The following LPA variants were observed in gnomAD, a reference collection of about 807,000 sequenced individuals.
LPA encodes lipoprotein(a), also known as apolipoprotein(a).
LPA carries 199 observed loss-of-function variants against 197.9 expected under a neutral mutation model. The ratio of observed to expected loss-of-function variants is 1.01; its 90% CI spans 0.90 to 1.13. The LOEUF is 1.13. LPA is among the 50% of genes most tolerant of loss of function. The pLI is 0.00. For missense variants in LPA, 1,853 were observed against 1,785.8 expected, an observed-to-expected ratio of 1.04 and a Z score of -0.68; for synonymous variants, 715 against 639.5, an observed-to-expected ratio of 1.12 and a Z score of -1.78.
intron 37 of LPA, among the ~76,000 whole-genome samples, chr6:160,535,512 G>A: frequency 6.6e-6 from 1 of 152,024 alleles, no homozygotes; most frequent in Non-Finnish European, 1.5e-5. Context: ...TGATATTGGT[G>A]ATGGTGGTGG....
At chr6:160,554,187 A>C (rs1427219302) in intron 30 of LPA, among the ~76,000 whole-genome samples, 1 of 151,648 alleles carries the variant, frequency 6.6e-6, no homozygotes. Flanking sequence ...GTTTTCTTTA[A>C]ATCTTTGAAC....
At position 160,567,492 on chromosome 6, in the gene LPA, G is replaced by C. The variant is rs141595582; in HGVS notation, c.4631+9644C>G. On this transcript the variant is annotated intron_variant, in intron 28 of 38. Coordinates refer to ENST00000316300, the MANE Select transcript of LPA (RefSeq NM_005577.4). ...CCAGAATCTCTGGGACACATTTAAA[G>C]CAGTGTGTAGGGGGAGATTTACAGC... Among the ~76,000 whole-genome samples the C allele has an allele frequency of 1.8e-3, 278 of 152,288 alleles. 6 individuals carry two copies. In the East Asian group the frequency reaches 0.043, roughly 23 times the overall value.
At chr6:160,569,679 C>T (rs561515753) in intron 28 of LPA, among the ~76,000 whole-genome samples, 1 of 152,068 alleles carries the variant, frequency 6.6e-6, no homozygotes, top group East Asian at 1.9e-4. Flanking sequence ...AGAAACTACC[C>T]TCAGAATGAA....
At chr6:160,655,252 G>C (rs986892114) in intron 1 of LPA, among the ~76,000 whole-genome samples, 1 of 152,182 alleles carries the variant, frequency 6.6e-6, no homozygotes, top group Non-Finnish European at 1.5e-5. Context: ...AAGGAGAGTA[G>C]TTATCTGCAG....
At chr6:160,601,677 T>C (rs538618764) in intron 18 of LPA, among the ~76,000 whole-genome samples, 148 of 152,338 alleles carry the variant, frequency 9.7e-4, no homozygotes, top group Non-Finnish European at 1.5e-3. Context: ...GCACAAAAAG[T>C]ATTCCTGTCT....
At chr6:160,586,406 C>A (rs1314901071) in intron 25 of LPA, 43 bp downstream of exon 25, 5 of 1,608,140 alleles carry the variant, frequency 3.1e-6, no homozygotes, top group Non-Finnish European at 4.3e-6. Context: ...ATCTTTTTAT[C>A]CCAATGTCCG....
At chr6:160,562,817 T>C (rs959471354) in intron 28 of LPA, among the ~76,000 whole-genome samples, 2 of 152,204 alleles carry the variant, frequency 1.3e-5, no homozygotes, top group Non-Finnish European at 2.9e-5. Flanking sequence ...TGTCCAGGAA[T>C]TTATCCATTT....
At chr6:160,635,482 A>T (rs1582894080) in intron 6 of LPA, among the ~76,000 whole-genome samples, 178 bp from the exon 7 acceptor site, 1 of 101,062 alleles carries the variant, frequency 9.9e-6, no homozygotes, top group Non-Finnish European at 2.0e-5. Flanking sequence ...CTCTCTGCAC[A>T]TCTCTCATAC....
In LPA at chr6:160,553,072, C is replaced by T. The variant is rs182124807; in HGVS notation, c.4973+2953G>A. On this transcript the variant is annotated intron_variant, in intron 30 of 38. Coordinates refer to ENST00000316300, the MANE Select transcript of LPA (RefSeq NM_005577.4). The stretch of plus-strand genomic sequence containing the variant: ...ATATTATATAACTTCATGGATAATG[C>T]AAAAAACTCATTAACAGTATACTTC... 2.2e-3 allele frequency among the ~76,000 whole-genome samples: 331 copies of T among 152,156 alleles called. 2 individuals carry two copies. The highest frequency in any genetic ancestry group is 7.6e-3 in the African/African-American group (315 of 41,520).
intron 16 of LPA, 45 bp downstream of exon 16, chr6:160,611,517 T>G (rs762570044): frequency 1.3e-5 from 21 of 1,604,880 alleles, no homozygotes; most frequent in Non-Finnish European, 1.6e-5. Flanking sequence ...TCACAGAAAC[T>G]TCAGTTGGCC....
intron 37 of LPA, among the ~76,000 whole-genome samples, chr6:160,532,902 A>C (rs117597352): frequency 0.011 from 1,735 of 152,314 alleles, 13 homozygotes; most frequent in Non-Finnish European, 0.018. Context: ...TTGTTTGTGT[A>C]CTTTTTGCTT....
chr6:160,659,238 G>A (rs1441104583), intron 1 of LPA, among the ~76,000 whole-genome samples: 1 of 152,100 alleles, frequency 6.6e-6, no homozygotes, highest in African/African-American at 2.4e-5. Context: ...GGGCCTCAGG[G>A]TGCTTGCAGG....
intron 28 of LPA, 84 bp downstream of exon 28, chr6:160,577,052 T>G (rs1464640612): frequency 5.2e-6 from 8 of 1,542,254 alleles, no homozygotes; most frequent in Non-Finnish European, 7.2e-6. Flanking sequence ...AATTTGTCCC[T>G]AGGAAGTGAG....
rs115038870 is a variant in LPA, at chr6:160,601,705, T to A, written c.2946-607A>T. ...TCCTGTCTGTCGATACCGTATCAGG[T>A]GGGTCAAGTGGGTTTCTTTCTGCAA... On this transcript the variant is annotated intron_variant, in intron 18 of 38. Transcript: ENST00000316300. 3.9e-3 allele frequency among the ~76,000 whole-genome samples: 588 copies of A among 152,202 alleles called. 5 individuals are homozygous for A. The highest frequency in any genetic ancestry group is 0.014 in the African/African-American group (563 of 41,514).
At chr6:160,567,208 A>G (rs959597688) in intron 28 of LPA, among the ~76,000 whole-genome samples, 2 of 152,220 alleles carry the variant, frequency 1.3e-5, no homozygotes, top group Non-Finnish European at 2.9e-5. Flanking sequence ...TCAGCACCAC[A>G]TCGCACTTAT....
At chr6:160,539,653 G>T (rs1452566241) in intron 36 of LPA, among the ~76,000 whole-genome samples, 2 of 152,094 alleles carry the variant, frequency 1.3e-5, no homozygotes, top group Non-Finnish European at 2.9e-5. Flanking sequence ...ACTAAGCATG[G>T]CTCGATATGG....
In LPA at chr6:160,577,195, T is replaced by C; in HGVS notation, c.4572A>G (p.Gln1524=). ...SSTTVTGRTC[Q]SWSSMIPHWH... ...AGTGTGGTATCATAGATGACCAAGA[T>C]TGACAGGTCCTTCCTGTGACAGTGG... The change falls in exon 28 of 39, where the codon CAA becomes CAG. Residue 1524 remains glutamine, a synonymous_variant. Coordinates refer to ENST00000316300, the MANE Select transcript of LPA (RefSeq NM_005577.4). The C allele has an allele frequency of 6.2e-7, 1 of 1,613,952 alleles. No individual in the cohort carries two copies. Among genetic ancestry groups the C allele is most frequent in the Non-Finnish European group, 8.5e-7 (1 of 1,179,858 alleles).
intron 2 of LPA, among the ~76,000 whole-genome samples, chr6:160,649,474 A>T (rs1234802207): frequency 6.6e-6 from 1 of 152,190 alleles, no homozygotes; most frequent in Non-Finnish European, 1.5e-5. Flanking sequence ...AGAAAATCCT[A>T]GCCACCTGAA....
chr6:160,592,042 A>C (rs1779040339), intron 22 of LPA, among the ~76,000 whole-genome samples: 2 of 152,158 alleles, frequency 1.3e-5, no homozygotes, highest in South Asian at 4.1e-4. Context: ...GAGCTTCATG[A>C]CTATGAATTT....
Sources: gnomAD v4.1 joint callset for allele counts (sites outside exome capture counted in the v4.1 genomes callset) on GRCh38, gnomAD v4.1.1 for gene constraint, MANE v1.5 for transcripts, NCBI Gene and HGNC (gene_info 2026-07-23, HGNC 2026-07-21) for gene names.